Variants in UNC5D observed in about 807,000 individuals in gnomAD.
UNC5D encodes the protein netrin receptor UNC5D.
A neutral mutation model predicts 105.4 loss-of-function variants in UNC5D; 39 were observed. That is an observed-to-expected ratio of 0.37 (90% confidence interval 0.29 to 0.48). UNC5D has a LOEUF of 0.48. UNC5D is among the 20% of genes least tolerant of loss of function. The pLI is 0.98. For synonymous variants in UNC5D, 452 were observed against 450.4 expected (o/e 1.00, Z -0.04); for missense variants, 991 against 1,202.4 (o/e 0.82, Z 2.60).
At chr8:35,725,601 C>G (rs1414864861) in intron 9 of UNC5D, among the ~76,000 whole-genome samples, 1 of 152,046 alleles carries the variant, frequency 6.6e-6, no homozygotes, top group East Asian at 1.9e-4. Context: ...GACCCTTTTG[C>G]TCTGAGGACA....
intron 8 of UNC5D, among the ~76,000 whole-genome samples, chr8:35,712,288 A>G: frequency 6.6e-6 from 1 of 152,214 alleles, no homozygotes; most frequent in Non-Finnish European, 1.5e-5. Flanking sequence ...AAGAAAATCA[A>G]GATTTTGCTT....
chr8:35,392,403 G>C (rs2128941966), intron 1 of UNC5D, among the ~76,000 whole-genome samples: 1 of 152,304 alleles, frequency 6.6e-6, no homozygotes, highest in East Asian at 1.9e-4. Flanking sequence ...TCCTTTTGTA[G>C]AGACAAGATT....
intron 4 of UNC5D, among the ~76,000 whole-genome samples, chr8:35,680,876 G>A (rs1346473060): frequency 6.6e-6 from 1 of 152,300 alleles, no homozygotes; most frequent in African/African-American, 2.4e-5. Context: ...GCTGAGCGGG[G>A]AACATAGGAG....
chr8:35,517,248 A>C (rs966343835), intron 1 of UNC5D, among the ~76,000 whole-genome samples: 4 of 152,190 alleles, frequency 2.6e-5, no homozygotes, highest in African/African-American at 9.7e-5. Flanking sequence ...TGTAGAGAGT[A>C]CCTAGACTGT....
chr8:35,367,982 T>C (rs530023878), intron 1 of UNC5D, among the ~76,000 whole-genome samples: 224 of 152,322 alleles, frequency 1.5e-3, no homozygotes, highest in African/African-American at 4.8e-3. Flanking sequence ...GCAGGTTTCT[T>C]GTAAAGTATG....
intron 1 of UNC5D, among the ~76,000 whole-genome samples, chr8:35,530,019 TA>T (rs1184514001): frequency 6.6e-6 from 1 of 150,386 alleles, no homozygotes; most frequent in African/African-American, 2.4e-5. Context: ...CCTCTTTTCC[TA>T]ATTGAATACC....
At position 35,364,473 on chromosome 8, in the gene UNC5D, C is replaced by A. The variant is rs201390190; in HGVS notation, c.103+128586C>A. Among the ~76,000 whole-genome samples the A allele has an allele frequency of 2.6e-5, 4 of 152,204 alleles. No individual in the cohort carries two copies. The East Asian group carries it at 7.8e-4, about 30-fold the overall frequency. Reference sequence around the variant, plus strand: ...CAAGCTATTCCAGGCTCATCTTGTGCTTTGCTTGCTCTGACCCTGGAATTA... The same window carrying A: ...CAAGCTATTCCAGGCTCATCTTGTGATTTGCTTGCTCTGACCCTGGAATTA... On this transcript the variant is annotated intron_variant, in intron 1 of 16. Transcript: ENST00000404895.
intron 1 of UNC5D, among the ~76,000 whole-genome samples, chr8:35,389,884 A>C (rs1040793143): frequency 6.6e-6 from 1 of 152,240 alleles, no homozygotes. Flanking sequence ...CGGAATAGGC[A>C]ACAGAAGATA....
intron 15 of UNC5D, among the ~76,000 whole-genome samples, chr8:35,772,712 T>G (rs1003232190): frequency 2.0e-4 from 31 of 152,224 alleles, no homozygotes; most frequent in African/African-American, 7.2e-4. Flanking sequence ...ACCACTAATT[T>G]AGAAGCATAA....
intron 1 of UNC5D, among the ~76,000 whole-genome samples, chr8:35,489,067 C>T (rs1026846787): frequency 2.0e-5 from 3 of 150,858 alleles, no homozygotes; most frequent in African/African-American, 4.9e-5. Context: ...AGTGCAGTGG[C>T]GTGATCTCTG....
At chr8:35,600,050 G>A (rs544145272) in intron 4 of UNC5D, among the ~76,000 whole-genome samples, 46 of 152,266 alleles carry the variant, frequency 3.0e-4, no homozygotes, top group African/African-American at 1.0e-3. Flanking sequence ...AGAACATGAG[G>A]TGTTTGGTTT....
At chr8:35,453,830 A>C (rs1398464989) in intron 1 of UNC5D, among the ~76,000 whole-genome samples, 3 of 152,014 alleles carry the variant, frequency 2.0e-5, no homozygotes, top group Admixed American at 6.6e-5. Context: ...GACATTCCTC[A>C]TCTTCCTTTA....
At position 35,618,008 on chromosome 8, in the gene UNC5D, A is replaced by G. The variant is rs1387107543; in HGVS notation, c.570+22351A>G. ...GCCAGCACTGGCCCTTGTGAGTTAC[A>G]AGTGATGGCTTAAACCTTAATTTCT... On this transcript the variant is annotated intron_variant, in intron 4 of 16. Coordinates refer to ENST00000404895, the MANE Select transcript of UNC5D (RefSeq NM_080872.4). 2.0e-5 allele frequency among the ~76,000 whole-genome samples: 3 copies of G among 152,230 alleles called. No homozygotes were observed. The East Asian group carries it at 5.8e-4, about 29-fold the overall frequency.
intron 1 of UNC5D, among the ~76,000 whole-genome samples, chr8:35,484,065 C>A (rs538149844): frequency 2.0e-5 from 3 of 152,092 alleles, no homozygotes; most frequent in Non-Finnish European, 4.4e-5. Flanking sequence ...TGGATGATGA[C>A]CCTTAAGGGA....
chr8:35,250,912 A>G (rs1803651960), intron 1 of UNC5D, among the ~76,000 whole-genome samples: 1 of 151,872 alleles, frequency 6.6e-6, no homozygotes, highest in South Asian at 2.1e-4. Flanking sequence ...AAATGAGAAC[A>G]TGCAGTATTT....
intron 1 of UNC5D, among the ~76,000 whole-genome samples, chr8:35,361,672 G>A (rs1417979843): frequency 6.6e-6 from 1 of 152,124 alleles, no homozygotes. Context: ...GGCAATTTGG[G>A]TTCTCAGAAT....
At chr8:35,691,320 C>A (rs1039873933) in intron 7 of UNC5D, among the ~76,000 whole-genome samples, 3 of 151,992 alleles carry the variant, frequency 2.0e-5, no homozygotes, top group African/African-American at 7.2e-5. Context: ...CCGGTCTCTA[C>A]AAAAGAAAAA....
intron 2 of UNC5D, among the ~76,000 whole-genome samples, chr8:35,550,034 A>G (rs1319660537): frequency 6.6e-6 from 1 of 151,104 alleles, no homozygotes; most frequent in Non-Finnish European, 1.5e-5. Context: ...TCCAGTATGA[A>G]AGAATTGTGG....
At chr8:35,584,254 G>A (rs1204493477) in intron 3 of UNC5D, among the ~76,000 whole-genome samples, 1 of 152,096 alleles carries the variant, frequency 6.6e-6, no homozygotes, top group Non-Finnish European at 1.5e-5. Flanking sequence ...GAATACAATC[G>A]ACGGAAAAGT....
Sources: allele counts gnomAD v4.1 joint callset (sites outside exome capture counted in the v4.1 genomes callset), GRCh38; gene constraint gnomAD v4.1.1; transcripts MANE v1.5; gene names NCBI Gene and HGNC (gene_info 2026-07-23, HGNC 2026-07-21).